Variants in XPR1 observed in about 807,000 individuals in gnomAD.
XPR1 encodes xenotropic and polytropic retrovirus receptor 1.
XPR1 carries 28 observed loss-of-function variants against 87.5 expected under a neutral mutation model. That is an observed-to-expected ratio of 0.32 (90% CI 0.24 to 0.44). The LOEUF is 0.44. XPR1 is among the 20% of genes least tolerant of loss of function. The probability of loss-of-function intolerance (pLI) is 1.00; values close to 1 mark genes in which losing one functional copy is unlikely to be tolerated. For synonymous variants in XPR1, 300 were observed against 306.1 expected, an observed-to-expected ratio of 0.98 and a Z score of 0.21; for missense variants, 559 against 862.3, an observed-to-expected ratio of 0.65 and a Z score of 4.41.
intron 1 of XPR1, among the ~76,000 whole-genome samples, chr1:180,659,128 C>G (rs1307433758): frequency 7.9e-6 from 1 of 125,944 alleles, no homozygotes; most frequent in Non-Finnish European, 1.7e-5. Context: ...CCCTCCTTCC[C>G]TCCCTCCCTC....
chr1:180,854,977 C>G (rs948988358), intron 11 of XPR1, among the ~76,000 whole-genome samples: 2 of 152,062 alleles, frequency 1.3e-5, no homozygotes, highest in Non-Finnish European at 2.9e-5. Context: ...AAGCATTGTG[C>G]AGAAAATACA....
At chr1:180,814,753 T>C (rs1434370847) in intron 7 of XPR1, among the ~76,000 whole-genome samples, 1 of 152,150 alleles carries the variant, frequency 6.6e-6, no homozygotes, top group Admixed American at 6.5e-5. Flanking sequence ...TTCTAAGCGG[T>C]TCAAAGAGAC....
rs115511244 is a variant in XPR1, at chr1:180,737,416, G to A, written c.122-50337G>A. ...TTTATTTTATTTTCCTCTTTGCTGG[G>A]AAATGGCCTCTTGAAATAGTAATCA... On this transcript the variant is annotated intron_variant, in intron 2 of 14. Transcript: ENST00000367590. 7.0e-3 allele frequency among the ~76,000 whole-genome samples: 1,066 copies of A among 152,188 alleles called. 7 individuals carry two copies. The highest frequency in any genetic ancestry group is 0.014 in the Middle Eastern group (4 of 294).
chr1:180,864,629 A>G (rs1014240043), intron 12 of XPR1, among the ~76,000 whole-genome samples: 1 of 152,074 alleles, frequency 6.6e-6, no homozygotes, highest in Non-Finnish European at 1.5e-5. Flanking sequence ...CAGAAAACAT[A>G]GATAATTCTT....
At chr1:180,674,084 A>G (rs1396664579) in intron 1 of XPR1, among the ~76,000 whole-genome samples, 2 of 152,224 alleles carry the variant, frequency 1.3e-5, no homozygotes, top group African/African-American at 4.8e-5. Flanking sequence ...TCTAAGTGTT[A>G]TGCATGTATG....
chr1:180,787,706 A>G (rs747439095), intron 2 of XPR1, 47 bp from the exon 3 acceptor site: 10 of 1,336,194 alleles, frequency 7.5e-6, no homozygotes, highest in African/African-American at 4.4e-5. Flanking sequence ...AGTTTTCTCA[A>G]TTGGCCTTTG....
At chr1:180,646,893 A>G (rs1471295787) in intron 1 of XPR1, among the ~76,000 whole-genome samples, 1 of 152,218 alleles carries the variant, frequency 6.6e-6, no homozygotes, top group African/African-American at 2.4e-5. Flanking sequence ...TCTTTCTACT[A>G]TAAAGCCTAC....
chr1:180,659,881 G>A (rs920842356), intron 1 of XPR1, among the ~76,000 whole-genome samples: 9 of 152,048 alleles, frequency 5.9e-5, no homozygotes, highest in African/African-American at 1.4e-4. Context: ...TGACCTCATA[G>A]AATGAGTTTT....
rs998411179 is a variant in XPR1, at chr1:180,694,801, ACAC to A, written c.121+12393_121+12395del. ...CACACACACACACACACACACACAC[ACAC>A]CATGTTTTCTTTATCTGTTCATCTG... On this transcript the variant is annotated intron_variant, in intron 2 of 14. Coordinates refer to ENST00000367590, the MANE Select transcript of XPR1 (RefSeq NM_004736.4). Among the ~76,000 whole-genome samples the A allele has an allele frequency of 3.6e-5, 5 of 140,124 alleles. 1 individual carries two copies. In the South Asian group the frequency reaches 6.9e-4, roughly 19 times the overall value. The allele number at this position is 140,124 out of a possible 152,430, so 91.9% of individuals were successfully genotyped here.
chr1:180,741,399 C>T (rs974154547), intron 2 of XPR1, among the ~76,000 whole-genome samples: 2 of 151,936 alleles, frequency 1.3e-5, no homozygotes, highest in Non-Finnish European at 1.5e-5. Flanking sequence ...CTCCTGATCT[C>T]GGGTGATCCA....
At chr1:180,639,044 C>T (rs1015764514) in intron 1 of XPR1, among the ~76,000 whole-genome samples, 1 of 152,152 alleles carries the variant, frequency 6.6e-6, no homozygotes, top group Non-Finnish European at 1.5e-5. Flanking sequence ...CACCTGTAAT[C>T]CCAGTACTTT....
chr1:180,648,732 T>C (rs551818640), intron 1 of XPR1, among the ~76,000 whole-genome samples: 2 of 152,284 alleles, frequency 1.3e-5, no homozygotes, highest in Non-Finnish European at 2.9e-5. Flanking sequence ...GGTCTCAGAC[T>C]CCTGACCCCA....
intron 2 of XPR1, among the ~76,000 whole-genome samples, chr1:180,715,102 C>T (rs1657942721): frequency 6.6e-6 from 1 of 152,158 alleles, no homozygotes; most frequent in Non-Finnish European, 1.5e-5. Flanking sequence ...TAAATGTAGG[C>T]AGTAGCATCC....
chr1:180,687,726 T>C (rs930902049), intron 2 of XPR1, among the ~76,000 whole-genome samples: 1 of 152,042 alleles, frequency 6.6e-6, no homozygotes, highest in Admixed American at 6.6e-5. Context: ...CAGTTATACA[T>C]TGCAAACAAA....
intron 7 of XPR1, among the ~76,000 whole-genome samples, chr1:180,815,452 T>C (rs1571863920): frequency 1.3e-5 from 2 of 152,292 alleles, no homozygotes; most frequent in East Asian, 1.9e-4. Context: ...CAGCGGGTGC[T>C]TAAAAGATAA....
intron 3 of XPR1, among the ~76,000 whole-genome samples, chr1:180,794,204 C>G (rs866333576): frequency 6.6e-6 from 1 of 152,130 alleles, no homozygotes; most frequent in Non-Finnish European, 1.5e-5. Flanking sequence ...GCCTGTTGCT[C>G]CTAGGCTACA....
intron 2 of XPR1, among the ~76,000 whole-genome samples, chr1:180,785,431 T>A (rs1649105168): frequency 6.6e-6 from 1 of 152,088 alleles, no homozygotes; most frequent in South Asian, 2.1e-4. Context: ...ATGCTGGGAT[T>A]ACAGGCATGA....
chr1:180,734,202 G>C (rs1658652270), intron 2 of XPR1, among the ~76,000 whole-genome samples: 1 of 152,188 alleles, frequency 6.6e-6, no homozygotes, highest in Non-Finnish European at 1.5e-5. Flanking sequence ...CGGGGGTTCA[G>C]TTTAGGGCCT....
At chr1:180,739,760 A>G (rs905143004) in intron 2 of XPR1, among the ~76,000 whole-genome samples, 1 of 151,902 alleles carries the variant, frequency 6.6e-6, no homozygotes, top group Non-Finnish European at 1.5e-5. Flanking sequence ...TTTTTTTTCC[A>G]GACAGGGTCT....
Sources: gnomAD v4.1 joint callset for allele counts (sites outside exome capture counted in the v4.1 genomes callset) on GRCh38, gnomAD v4.1.1 for gene constraint, MANE v1.5 for transcripts, NCBI Gene and HGNC (gene_info 2026-07-23, HGNC 2026-07-21) for gene names.